Variants in SCMH1 observed in about 807,000 individuals in gnomAD.
SCMH1 encodes Scm polycomb group protein homolog 1.
SCMH1 carries 37 observed loss-of-function variants against 70.8 expected under a neutral mutation model. That is an observed-to-expected ratio of 0.52 (90% CI 0.40 to 0.69). The LOEUF is 0.69. Among genes scored for constraint, SCMH1 ranks in the 30% least tolerant of loss-of-function variants. The pLI, the probability that SCMH1 is intolerant of heterozygous loss-of-function variation, is 0.00. For missense variants in SCMH1, 607 were observed against 827.3 expected (o/e 0.73, Z 3.27); for synonymous variants, 292 against 307.4 (o/e 0.95, Z 0.52).
chr1:41,107,030 T>A (rs914424360), intron 8 of SCMH1, among the ~76,000 whole-genome samples: 2 of 151,586 alleles, frequency 1.3e-5, no homozygotes, highest in African/African-American at 4.9e-5. Flanking sequence ...TTTTTTTTTT[T>A]AACTTCTGGC....
chr1:41,139,607 C>G (rs1161162214), intron 6 of SCMH1, among the ~76,000 whole-genome samples: 2 of 152,078 alleles, frequency 1.3e-5, no homozygotes, highest in Non-Finnish European at 2.9e-5. Context: ...TAACACACTA[C>G]AGTGTAAGAA....
intron 8 of SCMH1, among the ~76,000 whole-genome samples, chr1:41,108,386 GGGAAGT>G (rs1285478164): frequency 6.6e-6 from 1 of 152,182 alleles, no homozygotes; most frequent in African/African-American, 2.4e-5. Context: ...TCAGAGCAAG[GGGAAGT>G]CAAGTGGATT....
chr1:41,090,644 A>G (rs1663146218), intron 8 of SCMH1, among the ~76,000 whole-genome samples: 1 of 152,220 alleles, frequency 6.6e-6, no homozygotes, highest in African/African-American at 2.4e-5. Context: ...ATAAATATGT[A>G]TAACAATTAC....
At chr1:41,038,162 C>T (rs1645575436) in intron 12 of SCMH1, 2 of 152,234 alleles carry the variant, frequency 1.3e-5, no homozygotes, top group Admixed American at 6.5e-5. Flanking sequence ...TTAGTCTCCT[C>T]ATCTACAACA....
At chr1:41,161,260 A>T in intron 3 of SCMH1, 104 bp downstream of exon 3, 1 of 1,512,320 alleles carries the variant, frequency 6.6e-7, no homozygotes, top group Non-Finnish European at 8.9e-7. Flanking sequence ...TTCTGATATA[A>T]CAATTGAGTT....
chr1:41,125,338 C>A (rs888660335), intron 6 of SCMH1, among the ~76,000 whole-genome samples: 7 of 151,910 alleles, frequency 4.6e-5, no homozygotes, highest in African/African-American at 1.5e-4. Flanking sequence ...TTTTCAGCCT[C>A]CTGAGTAGCC....
chr1:41,156,674 A>C (rs1645577082), intron 4 of SCMH1, among the ~76,000 whole-genome samples: 1 of 152,094 alleles, frequency 6.6e-6, no homozygotes, highest in African/African-American at 2.4e-5. Flanking sequence ...CCTGAGCTCA[A>C]GTGATCTAAC....
exon 5 of SCMH1, chr1:41,151,681 T>C (rs929340804): frequency 1.9e-6 from 3 of 1,610,244 alleles, no homozygotes; most frequent in Admixed American, 1.7e-5. Context: ...CCAGGTAAAA[T>C]GACCTGTAAA....
chr1:41,054,102 C>T (rs1308720511), intron 10 of SCMH1, among the ~76,000 whole-genome samples: 1 of 152,100 alleles, frequency 6.6e-6, no homozygotes, highest in Non-Finnish European at 1.5e-5. Context: ...CCTCGGCCTC[C>T]CAAAGTGCTG....
chr1:41,202,449 C>A (rs1471353909), intron 1 of SCMH1, among the ~76,000 whole-genome samples: 3 of 151,756 alleles, frequency 2.0e-5, no homozygotes, highest in Non-Finnish European at 4.4e-5. Flanking sequence ...TACTTTAATT[C>A]TTTCTCACTT....
intron 2 of SCMH1, among the ~76,000 whole-genome samples, chr1:41,162,432 G>C (rs1477403320): frequency 1.3e-5 from 2 of 152,244 alleles, no homozygotes; most frequent in African/African-American, 4.8e-5. Flanking sequence ...GACTGGAGTG[G>C]GGACTTGTGG....
At chr1:41,232,672 T>C (rs1661536397) in intron 1 of SCMH1, among the ~76,000 whole-genome samples, 1 of 152,218 alleles carries the variant, frequency 6.6e-6, no homozygotes, top group Non-Finnish European at 1.5e-5. Context: ...TGATACTACC[T>C]ATATGCAGGT....
At chr1:41,222,508 T>C (rs1418062463) in intron 1 of SCMH1, among the ~76,000 whole-genome samples, 2 of 152,148 alleles carry the variant, frequency 1.3e-5, no homozygotes, top group Non-Finnish European at 2.9e-5. Context: ...CTTTATAACA[T>C]GAGGCTTCCT....
At position 41,113,947 on chromosome 1, in the gene SCMH1, GT is replaced by G. The variant is rs1669836053; in HGVS notation, c.502-422del. Among the ~76,000 whole-genome samples the G allele has an allele frequency of 6.6e-6, 1 of 151,882 alleles. No homozygotes were observed. Among genetic ancestry groups the G allele is most frequent in the Admixed American group, 6.6e-5 (1 of 15,244 alleles). ...TATATCATTGTACAATTTGCTTTTT[GT>G]TTAGCAGTATGTTTTTGAAATCTGC... is the stretch of plus-strand genomic sequence containing the variant. On this transcript the variant is annotated intron_variant, in intron 7 of 14. Transcript: ENST00000337495. This position sits in a 1 kb window ranked among gnomAD's most constrained non-coding sequence, Gnocchi z 4.3.
At chr1:41,061,579 G>GTA (rs1380655881) in intron 10 of SCMH1, among the ~76,000 whole-genome samples, 1 of 152,026 alleles carries the variant, frequency 6.6e-6, no homozygotes, top group Non-Finnish European at 1.5e-5. Flanking sequence ...GATATATGAG[G>GTA]CAAAAACAGG....
At chr1:41,159,339 T>C (rs898211695) in intron 4 of SCMH1, among the ~76,000 whole-genome samples, 1 of 152,208 alleles carries the variant, frequency 6.6e-6, no homozygotes, top group Non-Finnish European at 1.5e-5. Context: ...CATCAACAGT[T>C]TACAATATGC....
chr1:41,216,838 C>G (rs1375845276), intron 1 of SCMH1, among the ~76,000 whole-genome samples: 2 of 152,162 alleles, frequency 1.3e-5, no homozygotes, highest in Non-Finnish European at 2.9e-5. Flanking sequence ...GTACTCTAAA[C>G]TGAGTATCTT....
intron 1 of SCMH1, among the ~76,000 whole-genome samples, chr1:41,205,447 A>G (rs934011669): frequency 5.3e-5 from 8 of 152,234 alleles, no homozygotes; most frequent in Non-Finnish European, 7.3e-5. Flanking sequence ...CTGCTAGCGC[A>G]GCAGTCTGAG....
exon 5 of SCMH1, chr1:41,151,670 C>A: frequency 6.2e-7 from 1 of 1,611,248 alleles, no homozygotes; most frequent in Non-Finnish European, 8.5e-7. Flanking sequence ...AGGTATTTGT[C>A]CCAGGTAAAA....
Sources: allele counts gnomAD v4.1 joint callset (sites outside exome capture counted in the v4.1 genomes callset), GRCh38; gene constraint gnomAD v4.1.1; non-coding constraint Gnocchi (gnomAD v3.1); transcripts MANE v1.5; gene names NCBI Gene and HGNC (gene_info 2026-07-23, HGNC 2026-07-21).